Variants in OSBPL1A observed in about 807,000 individuals in gnomAD.
OSBPL1A encodes oxysterol binding protein like 1A, also known as oxysterol-binding protein-related protein 1.
A neutral mutation model predicts 137.1 loss-of-function variants in OSBPL1A; 80 were observed. The ratio of observed to expected loss-of-function variants is 0.58; its 90% CI spans 0.49 to 0.70. The LOEUF (loss-of-function observed/expected upper bound fraction) is 0.70, where lower values mean the gene tolerates loss of function less well. Among genes scored for constraint, OSBPL1A ranks in the 30% least tolerant of loss-of-function variants. OSBPL1A has a pLI of 0.00. For synonymous variants in OSBPL1A, 365 were observed against 389.7 expected (o/e 0.94, Z 0.75); for missense variants, 970 against 1,129.4 (o/e 0.86, Z 2.02).
chr18:24,188,250 C>T (rs2086801242), intron 18 of OSBPL1A, among the ~76,000 whole-genome samples: 1 of 152,154 alleles, frequency 6.6e-6, no homozygotes, highest in Admixed American at 6.5e-5. Context: ...TAAAGCAATG[C>T]TGCGTGCACT....
intron 7 of OSBPL1A, among the ~76,000 whole-genome samples, chr18:24,319,843 T>G (rs916510990): frequency 1.3e-5 from 2 of 152,088 alleles, no homozygotes; most frequent in African/African-American, 4.8e-5. Flanking sequence ...AGGTGATATA[T>G]TCTATCAGAT....
chr18:24,211,218 C>T (rs1004021518), intron 17 of OSBPL1A, among the ~76,000 whole-genome samples: 4 of 152,038 alleles, frequency 2.6e-5, no homozygotes, highest in East Asian at 2.0e-4. Context: ...CCACCTGCCT[C>T]GGCCTCCCAA....
At chr18:24,285,528 T>C (rs1303552845) in intron 14 of OSBPL1A, among the ~76,000 whole-genome samples, 1 of 152,222 alleles carries the variant, frequency 6.6e-6, no homozygotes, top group East Asian at 1.9e-4. Flanking sequence ...ATTTTGCCTG[T>C]TTTTCAACAT....
chr18:24,288,311 G>T (rs150063762), intron 14 of OSBPL1A, among the ~76,000 whole-genome samples: 6 of 152,212 alleles, frequency 3.9e-5, no homozygotes, highest in Non-Finnish European at 8.8e-5. Context: ...GGAAGCAGCT[G>T]AAGTGAGTAG....
chr18:24,238,982 A>G (rs2088591745), intron 16 of OSBPL1A, among the ~76,000 whole-genome samples: 1 of 152,226 alleles, frequency 6.6e-6, no homozygotes, highest in East Asian at 1.9e-4. Flanking sequence ...CCTAGCCTAG[A>G]ATACATCTTC....
intron 16 of OSBPL1A, among the ~76,000 whole-genome samples, chr18:24,232,101 A>G (rs1223084038): frequency 6.6e-6 from 1 of 152,190 alleles, no homozygotes; most frequent in Non-Finnish European, 1.5e-5. Flanking sequence ...AAAATGTCCA[A>G]AGCAACCCAA....
At chr18:24,280,320 G>T (rs1028264625) in intron 15 of OSBPL1A, among the ~76,000 whole-genome samples, 1 of 152,238 alleles carries the variant, frequency 6.6e-6, no homozygotes, top group Admixed American at 6.5e-5. Flanking sequence ...GACTTCAGGT[G>T]ATCTGCCCGC....
At chr18:24,196,067 A>G in intron 18 of OSBPL1A, 58 bp downstream of exon 18, 1 of 1,362,718 alleles carries the variant, frequency 7.3e-7, no homozygotes, top group Non-Finnish European at 1.0e-6. Context: ...GTTCCTTTCT[A>G]AAGAATATGC....
intron 17 of OSBPL1A, among the ~76,000 whole-genome samples, chr18:24,223,163 A>C (rs1327236977): frequency 6.6e-6 from 1 of 152,094 alleles, no homozygotes; most frequent in African/African-American, 2.4e-5. Context: ...ATCAATATAA[A>C]AACTATTATA....
intron 14 of OSBPL1A, among the ~76,000 whole-genome samples, chr18:24,293,120 A>G (rs1005440029): frequency 3.5e-4 from 36 of 102,546 alleles, no homozygotes; most frequent in African/African-American, 1.1e-3. Flanking sequence ...AAAAAAAAAA[A>G]AAAAAAAAGA....
At chr18:24,320,901 C>A (rs2090836111) in intron 7 of OSBPL1A, among the ~76,000 whole-genome samples, 1 of 151,640 alleles carries the variant, frequency 6.6e-6, no homozygotes, top group African/African-American at 2.4e-5. Context: ...TGGTGGCAGG[C>A]ACCTGTAATC....
rs377226382 is a variant in OSBPL1A at position 24,333,073 on chromosome 18, T to A, written c.494A>T (p.Asn165Ile). The A allele has an allele frequency of 6.2e-6, 10 of 1,612,994 alleles. No individual in the cohort carries two copies. In the African/African-American group the frequency reaches 1.3e-4, roughly 22 times the overall value. ...TELTALLNRP[N>I]PPDVNCSDQL... ...ATCCGAACAGTTAACATCAGGAGGA[T>A]TGGGCCTGTTGAGCTAACAATTAAA... Residue 165 changes from asparagine to isoleucine, a missense_variant, in exon 7 of 28, where the codon AAT becomes ATT. Physicochemically the swap from Asn to Ile is moderately radical, Grantham distance 149. Transcript: ENST00000319481.
intron 1 of OSBPL1A, among the ~76,000 whole-genome samples, chr18:24,381,693 C>T (rs1906597176): frequency 6.6e-6 from 1 of 152,142 alleles, no homozygotes; most frequent in Admixed American, 6.5e-5. Context: ...CACAGTTGCT[C>T]ACTCTTGTAA....
intron 17 of OSBPL1A, among the ~76,000 whole-genome samples, chr18:24,214,389 G>A (rs1445719200): frequency 5.3e-5 from 8 of 152,194 alleles, no homozygotes; most frequent in African/African-American, 1.9e-4. Context: ...GCTTCAAGGT[G>A]GTGAGCACAC....
intron 5 of OSBPL1A, among the ~76,000 whole-genome samples, chr18:24,335,072 T>C (rs897809832): frequency 6.6e-6 from 1 of 152,116 alleles, no homozygotes; most frequent in African/African-American, 2.4e-5. Context: ...TTATTTTTTG[T>C]AGAGATGGGG....
At position 24,314,337 on chromosome 18, in the gene OSBPL1A, G is replaced by C. The variant is rs768228685; in HGVS notation, c.881C>G (p.Thr294Ser). The change falls in exon 12 of 28, where the codon ACT (threonine) becomes AGT (serine). Residue 294 changes from threonine to serine, a missense_variant. Physicochemically the swap from Thr to Ser is moderately conservative, Grantham distance 58. This residue lies in a region of OSBPL1A where 647 missense variants were observed against 672.6 expected (regional missense o/e 0.96). Transcript: ENST00000319481. ...TTTAATAAAGAAGAGGCAGCTATCA[G>C]TGGATTTTACCTTGGATATAAAGAA... is the stretch of plus-strand genomic sequence containing the variant. ...LTQAVCTVKS[T>S]DSCLFFIKCF... is the part of the protein sequence containing the mutation. 1 of 1,605,814 alleles carries C rather than the reference G, an allele frequency of 6.2e-7. No homozygotes were observed. Among genetic ancestry groups the C allele is most frequent in the Non-Finnish European group, 8.5e-7 (1 of 1,176,866 alleles).
chr18:24,361,918 A>C (rs1196540342), intron 4 of OSBPL1A, among the ~76,000 whole-genome samples: 1 of 149,928 alleles, frequency 6.7e-6, no homozygotes, highest in Non-Finnish European at 1.5e-5. Flanking sequence ...AATCACTTGA[A>C]CCCGAGAGGC....
chr18:24,359,447 C>T (rs1224510518), intron 4 of OSBPL1A, among the ~76,000 whole-genome samples: 6 of 151,980 alleles, frequency 3.9e-5, no homozygotes, highest in East Asian at 1.9e-4. Flanking sequence ...GCCTGTGATC[C>T]GAGAACTTTG....
At chr18:24,351,347 C>CAAAAAA (rs1172514692) in intron 4 of OSBPL1A, among the ~76,000 whole-genome samples, 3,044 of 35,604 alleles carry the variant, frequency 0.085, 190 homozygotes, top group Non-Finnish European at 0.13. Flanking sequence ...GACTCTGTCT[C>CAAAAAA]AAAAAAAAAA....
Sources: allele counts gnomAD v4.1 joint callset (sites outside exome capture counted in the v4.1 genomes callset), GRCh38; gene constraint gnomAD v4.1.1; regional missense constraint gnomAD v4.1.1; transcripts MANE v1.5; gene names NCBI Gene and HGNC (gene_info 2026-07-23, HGNC 2026-07-21).